The following ERC1 variants were observed in gnomAD, a reference collection of about 807,000 sequenced individuals.
ERC1 encodes the protein ELKS/RAB6-interacting/CAST family member 1, also known as RAB6 interacting protein 2.
Under a neutral mutation model 132.0 loss-of-function variants are expected in ERC1, and 56 were observed. The ratio of observed to expected loss-of-function variants is 0.42; its 90% confidence interval spans 0.34 to 0.53. The LOEUF is 0.53. Ranked by LOEUF, ERC1 falls within the 20% of genes least tolerant of loss-of-function variation. The probability of loss-of-function intolerance (pLI) is 0.03; values close to 1 mark genes in which losing one functional copy is unlikely to be tolerated. For missense variants in ERC1, 1,202 were observed against 1,349.9 expected (o/e 0.89, Z 1.72); for synonymous variants, 478 against 476.1 (o/e 1.00, Z -0.05).
chr12:1,273,245 A>G (rs2078005330), intron 14 of ERC1, among the ~76,000 whole-genome samples: 1 of 152,190 alleles, frequency 6.6e-6, no homozygotes, highest in African/African-American at 2.4e-5. Context: ...AATTTGAAAC[A>G]TTTGTTTAAA....
chr12:1,349,206 C>T (rs1181357790), intron 15 of ERC1, among the ~76,000 whole-genome samples: 1 of 152,128 alleles, frequency 6.6e-6, no homozygotes, highest in Non-Finnish European at 1.5e-5. Flanking sequence ...AACAGAGTCC[C>T]AACACTTGTT....
chr12:1,387,997 C>T (rs1439726262), intron 16 of ERC1, among the ~76,000 whole-genome samples: 1 of 152,166 alleles, frequency 6.6e-6, no homozygotes, highest in Non-Finnish European at 1.5e-5. Flanking sequence ...AGAAGACATT[C>T]TTAAGACAGC....
intron 13 of ERC1, among the ~76,000 whole-genome samples, chr12:1,245,741 C>CT (rs1469784165): frequency 6.6e-6 from 1 of 152,172 alleles, no homozygotes; most frequent in African/African-American, 2.4e-5. Flanking sequence ...ATTCTAAACA[C>CT]TTTTTTGTCA....
intron 16 of ERC1, among the ~76,000 whole-genome samples, chr12:1,375,733 CTTTTTTTTTTTT>C (rs35535185): frequency 1.8e-4 from 19 of 107,112 alleles, no homozygotes; most frequent in African/African-American, 7.6e-4. Flanking sequence ...GCTCTTGTTC[CTTTTTTTTTTTT>C]TTTTTTTTTT....
At chr12:1,486,314 G>A (rs1174360873) in intron 18 of ERC1, among the ~76,000 whole-genome samples, 4 of 151,960 alleles carry the variant, frequency 2.6e-5, no homozygotes, top group African/African-American at 7.3e-5. Flanking sequence ...AAAATATATA[G>A]CAGTGGTTAT....
At chr12:1,176,348 G>A (rs186346682) in intron 8 of ERC1, among the ~76,000 whole-genome samples, 4 of 152,218 alleles carry the variant, frequency 2.6e-5, no homozygotes, top group Admixed American at 2.0e-4. Context: ...TCTCCACAGT[G>A]GGTTTAATAC....
At chr12:1,328,593 A>G (rs1028720207) in intron 15 of ERC1, among the ~76,000 whole-genome samples, 5 of 151,990 alleles carry the variant, frequency 3.3e-5, no homozygotes, top group African/African-American at 9.7e-5. Flanking sequence ...CGCCACGCCC[A>G]TGTGACCTCA....
intron 2 of ERC1, among the ~76,000 whole-genome samples, chr12:1,037,544 T>G (rs1036445551): frequency 6.6e-6 from 1 of 152,164 alleles, no homozygotes; most frequent in Non-Finnish European, 1.5e-5. Context: ...AACCATACTT[T>G]ATAAGAAATG....
chr12:1,197,332 A>G (rs893881007), intron 12 of ERC1, among the ~76,000 whole-genome samples: 38 of 152,292 alleles, frequency 2.5e-4, no homozygotes, highest in East Asian at 1.2e-3. Flanking sequence ...CCTGCATTAC[A>G]TAAGTAGGTA....
intron 16 of ERC1, among the ~76,000 whole-genome samples, chr12:1,398,227 T>C (rs887829969): frequency 6.6e-6 from 1 of 152,028 alleles, no homozygotes; most frequent in Non-Finnish European, 1.5e-5. Context: ...CAAGTGATCC[T>C]CCCTCCTCAG....
chr12:1,437,008 CA>C (rs1365100016), intron 17 of ERC1, among the ~76,000 whole-genome samples: 1 of 152,050 alleles, frequency 6.6e-6, no homozygotes, highest in Non-Finnish European at 1.5e-5. Flanking sequence ...TTAACTCTTC[CA>C]TTTTTCACTA....
chr12:1,100,946 G>A (rs1428670706), intron 3 of ERC1, among the ~76,000 whole-genome samples: 1 of 152,088 alleles, frequency 6.6e-6, no homozygotes, highest in African/African-American at 2.4e-5. Context: ...GAAAAGCTTA[G>A]GGTAAGATAG....
chr12:1,118,535 G>A (rs989444368), intron 7 of ERC1, among the ~76,000 whole-genome samples: 10 of 152,188 alleles, frequency 6.6e-5, no homozygotes, highest in Non-Finnish European at 1.3e-4. Flanking sequence ...GGGCCACTGC[G>A]CAAATAGAAC....
chr12:1,009,910 A>AT (rs1156688452), intron 1 of ERC1, among the ~76,000 whole-genome samples: 1 of 152,210 alleles, frequency 6.6e-6, no homozygotes, highest in African/African-American at 2.4e-5. Flanking sequence ...ATTTAAGTAG[A>AT]TTCTGCAATA....
intron 1 of ERC1, among the ~76,000 whole-genome samples, chr12:1,007,540 C>CTCTCTCTCTGTGTGTGTGTGTGTGTG (rs1555194875): frequency 1.6e-5 from 2 of 122,712 alleles, no homozygotes; most frequent in African/African-American, 7.6e-5. Flanking sequence ...CTCTCTCTCT[C>CTCTCTCTCTGTGTGTGTGTGTGTGTG]TGTGTGTGTG....
chr12:1,304,433 A>T (rs2080675342), intron 15 of ERC1, among the ~76,000 whole-genome samples: 1 of 152,202 alleles, frequency 6.6e-6, no homozygotes, highest in Admixed American at 6.5e-5. Context: ...GTCATTGAGG[A>T]GGGAAAGTGG....
chr12:1,324,561 G>A (rs2082327024), intron 15 of ERC1, among the ~76,000 whole-genome samples: 1 of 152,138 alleles, frequency 6.6e-6, no homozygotes, highest in Non-Finnish European at 1.5e-5. Flanking sequence ...GTCAGAGAGG[G>A]AGCATCCGAA....
chr12:1,186,488 AAGG>A (rs2154275211), intron 11 of ERC1, among the ~76,000 whole-genome samples: 1 of 152,304 alleles, frequency 6.6e-6, no homozygotes, highest in East Asian at 1.9e-4. Flanking sequence ...TCAGTATTTT[AAGG>A]AGGATTATTC....
At chr12:1,237,874 T>G (rs990557422) in intron 13 of ERC1, among the ~76,000 whole-genome samples, 15 of 152,234 alleles carry the variant, frequency 9.9e-5, no homozygotes, top group Non-Finnish European at 2.2e-4. Flanking sequence ...GGTCTGATAC[T>G]GTGTATATGC....
Sources: gnomAD v4.1 joint callset for allele counts (sites outside exome capture counted in the v4.1 genomes callset) on GRCh38, gnomAD v4.1.1 for gene constraint, MANE v1.5 for transcripts, NCBI Gene and HGNC (gene_info 2026-07-23, HGNC 2026-07-21) for gene names.